Variants in SMC1A observed in about 807,000 individuals in gnomAD.
SMC1A encodes the protein structural maintenance of chromosomes 1A.
A neutral mutation model predicts 94.5 loss-of-function variants in SMC1A; 4 were observed. The observed-to-expected ratio is 0.04, with a 90% CI of 0.02 to 0.10. The LOEUF (loss-of-function observed/expected upper bound fraction) is 0.10, where lower values mean the gene tolerates loss of function less well. Among genes scored for constraint, SMC1A ranks in the 10% least tolerant of loss-of-function variants. SMC1A has a pLI of 1.00. For synonymous variants in SMC1A, 345 were observed against 347.7 expected (o/e 0.99, Z 0.09); for missense variants, 304 against 989.0 (o/e 0.31, Z 9.29).
At chrX:53,381,168 C>G in intron 22 of SMC1A, 81 bp from the exon 23 acceptor site, 6 of 580,641 alleles carry the variant, frequency 1.0e-5, no homozygotes, top group South Asian at 2.6e-5. Context: ...CAGGGCCCAT[C>G]AAACAGGCCA....
At chrX:53,387,247 G>A (rs1556886559) in intron 19 of SMC1A, among the ~76,000 whole-genome samples, 1 of 111,832 alleles carries the variant, frequency 8.9e-6, no homozygotes, top group South Asian at 3.7e-4. Flanking sequence ...CACCCACCTC[G>A]GCCTCCCAAA....
chrX:53,399,527 CG>C, intron 16 of SMC1A, 61 bp downstream of exon 16: 1 of 1,056,691 alleles, frequency 9.5e-7, no homozygotes, highest in Non-Finnish European at 1.3e-6. Context: ...TTCTGTCTGT[CG>C]TATTTCTTCC....
rs1602411642 is a variant in SMC1A at position 53,409,044 on chromosome X, T to C, written c.1545+18A>G. 2 of 1,195,558 alleles carry C rather than the reference T, an allele frequency of 1.7e-6. No individual in the cohort carries two copies. The highest frequency in any genetic ancestry group is 1.8e-5 in the South Asian group (1 of 56,578). ...TGAGTGTAAGTGCTCAGGAAATGAG[T>C]TCCCTCTCTGCTCTTACCACAGAGC... is the stretch of plus-strand genomic sequence containing the variant. On this transcript the variant is annotated intron_variant, in intron 9 of 24. Coordinates refer to ENST00000322213, the MANE Select transcript of SMC1A (RefSeq NM_006306.4).
At chrX:53,394,367 C>T (rs1482993170) in intron 19 of SMC1A, among the ~76,000 whole-genome samples, 1 of 109,232 alleles carries the variant, frequency 9.2e-6, no homozygotes, top group Non-Finnish European at 1.9e-5. Flanking sequence ...GAGATTGCAG[C>T]GGAAGCCACG....
chrX:53,408,099 C>T (rs1185045094), intron 9 of SMC1A, among the ~76,000 whole-genome samples: 1 of 111,829 alleles, frequency 8.9e-6, no homozygotes, highest in South Asian at 3.7e-4. Context: ...GAGGCCGAGG[C>T]GGGCAGATCA....
chrX:53,420,135 G>A (rs1430968247), intron 1 of SMC1A, among the ~76,000 whole-genome samples: 1 of 112,258 alleles, frequency 8.9e-6, no homozygotes, highest in Non-Finnish European at 1.9e-5. Context: ...TGAGAACCAC[G>A]GACAAGTTAT....
Position 53,413,085 on chromosome X carries a change from C to T in SMC1A, c.669G>A (p.Leu223=), listed in dbSNP as rs1556890780. Residue 223 remains leucine (L), a synonymous_variant, in exon 5 of 25, where the codon CTG becomes CTA. Transcript: ENST00000322213. ...KDEVVRAQVQ[L]QLFKLYHNEV... ...CATTATGGTAAAGCTTAAAGAGCTG[C>T]AGCTGTACCTGAGCCCGTACTACCT... 8.3e-7 allele frequency: 1 copy of T among 1,211,648 alleles called. No individual in the cohort carries two copies. The highest frequency in any genetic ancestry group is 1.1e-6 in the Non-Finnish European group (1 of 895,482).
In SMC1A at chrX:53,391,886, A is replaced by G. The variant is rs781803996; in HGVS notation, c.2973+2892T>C. On this transcript the variant is annotated intron_variant, in intron 19 of 24. Transcript: ENST00000322213. ...TAGGGATTGTCCTGAGCACAGTAGG[A>G]TGTTTAGCAGCATCCCTGGTGTCTA... 3.3e-4 allele frequency among the ~76,000 whole-genome samples: 36 copies of G among 110,305 alleles called. 1 individual carries two copies. Among genetic ancestry groups the G allele is most frequent in the Non-Finnish European group, 6.2e-4 (33 of 52,813 alleles).
At chrX:53,399,531 T>C in intron 16 of SMC1A, 58 bp downstream of exon 16, 1 of 1,083,614 alleles carries the variant, frequency 9.2e-7, no homozygotes, top group South Asian at 1.8e-5. Flanking sequence ...GTCTGTCGTA[T>C]TTCTTCCCAT....
intron 14 of SMC1A, 24 bp from the exon 15 acceptor site, chrX:53,403,696 C>T (rs781898889): frequency 1.0e-5 from 12 of 1,188,288 alleles, no homozygotes; most frequent in South Asian, 9.0e-5. Context: ...CCAGGGAGGG[C>T]ATCGGCCCTT....
chrX:53,392,147 T>C (rs782288177), intron 19 of SMC1A, among the ~76,000 whole-genome samples: 251 of 110,877 alleles, frequency 2.3e-3, no homozygotes, highest in African/African-American at 7.8e-3. Context: ...TCCCAGCACT[T>C]TGGGAGGCTG....
Position 53,422,621 on chromosome X carries a change from CAGT to C in SMC1A, c.-24_-22del. On this transcript the variant is annotated 5_prime_UTR_variant, in exon 1 of 25. Coordinates refer to ENST00000322213, the MANE Select transcript of SMC1A (RefSeq NM_006306.4). ...CCCATGACGGCCGCGGCGCCGGCGG[CAGT>C]AGGACAGGCCGCGCCGTACGCCCGA... The C allele has an allele frequency of 2.9e-6, 3 of 1,045,068 alleles. No homozygotes were observed. Among genetic ancestry groups the C allele is most frequent in the Non-Finnish European group, 4.0e-6 (3 of 744,845 alleles). 86.1% of individuals were successfully genotyped at this position (1,045,068 alleles called of 1,213,427 possible). A position where few individuals can be genotyped will look rare whatever the true frequency, so the allele number is the denominator to read the frequency against.
chrX:53,409,616 A>T (rs1179978367), intron 7 of SMC1A, 113 bp from the exon 8 acceptor site: 13 of 584,807 alleles, frequency 2.2e-5, no homozygotes, highest in Non-Finnish European at 3.9e-5. Context: ...ACAGTCCAGG[A>T]CAATCTGTCA....
chrX:53,393,598 G>A (rs2075637900), intron 19 of SMC1A, among the ~76,000 whole-genome samples: 1 of 110,939 alleles, frequency 9.0e-6, no homozygotes, highest in Non-Finnish European at 1.9e-5. Flanking sequence ...TATGGATGGA[G>A]TAATGTCTAG....
At chrX:53,387,791 G>C (rs1469922800) in intron 19 of SMC1A, among the ~76,000 whole-genome samples, 1 of 110,975 alleles carries the variant, frequency 9.0e-6, no homozygotes, top group African/African-American at 3.3e-5. Flanking sequence ...GCCAAAGATG[G>C]GACAACCTGA....
intron 1 of SMC1A, among the ~76,000 whole-genome samples, chrX:53,416,816 A>G (rs782081777): frequency 8.9e-6 from 1 of 112,004 alleles, no homozygotes; most frequent in African/African-American, 3.2e-5. Flanking sequence ...TGGTTAATTT[A>G]GGAAATTTTA....
Position 53,410,927 on chromosome X carries a change from A to AAAAAAAAAAAAAAAAAG in SMC1A, c.1254+833_1254+834insCTTTTTTTTTTTTTTTT. Among the ~76,000 whole-genome samples, 2 of 56,096 alleles carry AAAAAAAAAAAAAAAAAG rather than the reference A, an allele frequency of 3.6e-5. 1 individual carries two copies. Among genetic ancestry groups the AAAAAAAAAAAAAAAAAG allele is most frequent in the Non-Finnish European group, 6.3e-5 (2 of 31,742 alleles). The allele number at this position is 56,096 out of a possible 115,157, so 48.7% of individuals were successfully genotyped here. ...GGGCAACAGAGTGAGGCTTTGTCTCAAAAAAAAAAAAAAAAAAAGTAGCCA... is the reference window on the plus strand; with the variant it reads ...GGGCAACAGAGTGAGGCTTTGTCTCAAAAAAAAAAAAAAAAAGAAAAAAAAAAAAAAAAAAGTAGCCA... On this transcript the variant is annotated intron_variant, in intron 7 of 24. Coordinates refer to ENST00000322213, the MANE Select transcript of SMC1A (RefSeq NM_006306.4).
Position 53,391,004 on chromosome X carries a change from G to GA in SMC1A, c.2973+3773dup, listed in dbSNP as rs1175710151. ...AAAAAAAAAAAAAAAAAAAGAAAAA[G>GA]AAAAAAAAAAAAAAAGAAGAAAAAT... On this transcript the variant is annotated intron_variant, in intron 19 of 24. Coordinates refer to ENST00000322213, the MANE Select transcript of SMC1A (RefSeq NM_006306.4). Among the ~76,000 whole-genome samples, 413 of 53,920 alleles carry GA rather than the reference G, an allele frequency of 7.7e-3. 2 individuals carry two copies. The highest frequency in any genetic ancestry group is 0.016 in the Middle Eastern group (1 of 63). The allele number at this position is 53,920 out of a possible 115,157, so 46.8% of individuals were successfully genotyped here.
chrX:53,416,767 G>T lies in SMC1A; in HGVS notation c.110-1598C>A, dbSNP rs782142515. On this transcript the variant is annotated intron_variant, in intron 1 of 24. Coordinates refer to ENST00000322213, the MANE Select transcript of SMC1A (RefSeq NM_006306.4). Reference sequence around the variant, plus strand: ...TTCTAGAGATCGTTTGCACAAAAACGTGAATATATTTAACACTACTGAACT... The same window carrying T: ...TTCTAGAGATCGTTTGCACAAAAACTTGAATATATTTAACACTACTGAACT... Among the ~76,000 whole-genome samples, 21 of 110,690 alleles carry T rather than the reference G, an allele frequency of 1.9e-4. 1 individual carries two copies. Among genetic ancestry groups the T allele is most frequent in the Admixed American group, 6.8e-4 (7 of 10,324 alleles).
Sources: gnomAD v4.1 joint callset for allele counts (sites outside exome capture counted in the v4.1 genomes callset) on GRCh38, gnomAD v4.1.1 for gene constraint, MANE v1.5 for transcripts, NCBI Gene and HGNC (gene_info 2026-07-23, HGNC 2026-07-21) for gene names.